TCF12: variants seen among roughly 807,000 people sequenced by gnomAD.
TCF12 encodes the protein transcription factor 12.
In TCF12, 45 loss-of-function variants were observed where a neutral mutation model predicts 86.0. The ratio of observed to expected loss-of-function variants is 0.52; its 90% confidence interval spans 0.41 to 0.67. TCF12 has a LOEUF of 0.67. Ranked by LOEUF, TCF12 falls within the 30% of genes least tolerant of loss-of-function variation. TCF12 has a pLI of 0.00. For synonymous variants in TCF12, 330 were observed against 299.6 expected (o/e 1.10, Z -1.05); for missense variants, 881 against 859.9 (o/e 1.02, Z -0.31).
At chr15:57,062,802 CATGAAAGA>C (rs1184641771) in intron 3 of TCF12, among the ~76,000 whole-genome samples, 13 of 152,210 alleles carry the variant, frequency 8.5e-5, no homozygotes, top group Non-Finnish European at 1.8e-4. Flanking sequence ...AGGCTGTTCT[CATGAAAGA>C]ATGAAAGAAA....
chr15:56,997,648 C>T (rs570714936), intron 3 of TCF12, among the ~76,000 whole-genome samples: 7 of 152,138 alleles, frequency 4.6e-5, no homozygotes, highest in Non-Finnish European at 7.4e-5. Context: ...ATTCAAATAA[C>T]CCAAAAGACA....
At chr15:56,940,947 G>A (rs2060741846) in intron 3 of TCF12, among the ~76,000 whole-genome samples, 1 of 146,264 alleles carries the variant, frequency 6.8e-6, no homozygotes, top group Non-Finnish European at 1.5e-5. Context: ...TTTGGGTAGA[G>A]ACAGTATCTC....
chr15:57,010,159 C>CT (rs1364540704), intron 3 of TCF12, among the ~76,000 whole-genome samples: 29 of 151,914 alleles, frequency 1.9e-4, no homozygotes, highest in Middle Eastern at 3.4e-3. Context: ...AGTCCCCTCC[C>CT]TTTTTTTTAA....
intron 16 of TCF12, among the ~76,000 whole-genome samples, chr15:57,257,784 G>C (rs2060417124): frequency 6.6e-6 from 1 of 151,900 alleles, no homozygotes; most frequent in African/African-American, 2.4e-5. Flanking sequence ...GGTCTACACG[G>C]ACACAGTAAC....
At chr15:56,926,042 T>C (rs1289784739) in intron 3 of TCF12, among the ~76,000 whole-genome samples, 1 of 152,222 alleles carries the variant, frequency 6.6e-6, no homozygotes, top group East Asian at 1.9e-4. Flanking sequence ...GTTGGCGTGG[T>C]GGCTCACGCC....
intron 8 of TCF12, among the ~76,000 whole-genome samples, chr15:57,225,220 C>CTTTTTTTTTTTTTTTTTTTTTTTTT (rs139530756): frequency 2.5e-5 from 1 of 39,762 alleles, no homozygotes; most frequent in Non-Finnish European, 4.3e-5. Flanking sequence ...CTGATATATG[C>CTTTTTTTTTTTTTTTTTTTTTTTTT]TTTTTTTTTT....
In TCF12 at chr15:56,928,403, T is replaced by C. The variant is rs554125629; in HGVS notation, c.148+7305T>C. 2.0e-5 allele frequency among the ~76,000 whole-genome samples: 3 copies of C among 152,328 alleles called. No individual in the cohort carries two copies. In the East Asian group the frequency reaches 5.8e-4, roughly 29 times the overall value. On this transcript the variant is annotated intron_variant, in intron 3 of 20. Transcript: ENST00000333725. ...GCTAGTGTTTATTGAACTCCTATTATATACTAGGCATTGTGATAAGCAATT... is the reference window on the plus strand; with the variant it reads ...GCTAGTGTTTATTGAACTCCTATTACATACTAGGCATTGTGATAAGCAATT...
At chr15:57,105,801 A>G (rs1457991041) in intron 5 of TCF12, among the ~76,000 whole-genome samples, 1 of 152,210 alleles carries the variant, frequency 6.6e-6, no homozygotes, top group African/African-American at 2.4e-5. Context: ...CACTTGCAAA[A>G]TGGGGACATC....
intron 3 of TCF12, among the ~76,000 whole-genome samples, chr15:56,941,618 G>T (rs143050690): frequency 9.3e-5 from 14 of 151,154 alleles, no homozygotes; most frequent in South Asian, 2.1e-4. Flanking sequence ...CAGGTGATCC[G>T]CCTTCCTCGG....
chr15:57,039,712 C>G (rs1000343756), intron 3 of TCF12, among the ~76,000 whole-genome samples: 1 of 152,054 alleles, frequency 6.6e-6, no homozygotes, highest in African/African-American at 2.4e-5. Flanking sequence ...TTATTAAGTC[C>G]GTAGACCTTC....
intron 3 of TCF12, among the ~76,000 whole-genome samples, chr15:56,967,968 T>G (rs1193228423): frequency 6.6e-6 from 1 of 152,158 alleles, no homozygotes; most frequent in African/African-American, 2.4e-5. Context: ...GTTTGTTTGT[T>G]TTTTTGAGGC....
At position 57,001,036 on chromosome 15, in the gene TCF12, C is replaced by T. The variant is rs541282046; in HGVS notation, c.149-62714C>T. ...AATTTTTTTTTTTTTTTTTTTGAGA[C>T]GGAGTCTTGCTCTGTCATCACCCAG... On this transcript the variant is annotated intron_variant, in intron 3 of 20. Coordinates refer to ENST00000333725, the MANE Select transcript of TCF12 (RefSeq NM_207037.2). 4.1e-3 allele frequency among the ~76,000 whole-genome samples: 487 copies of T among 117,634 alleles called. 4 individuals are homozygous for T. The highest frequency in any genetic ancestry group is 0.015 in the African/African-American group (460 of 31,478). The allele number at this position is 117,634 out of a possible 152,430, so 77.2% of individuals were successfully genotyped here.
intron 19 of TCF12, among the ~76,000 whole-genome samples, chr15:57,281,102 T>C (rs2061663613): frequency 1.0e-5 from 1 of 96,016 alleles, no homozygotes; most frequent in South Asian, 4.3e-4. Context: ...TAGCACCCTA[T>C]TCTTTTTTTT....
chr15:57,258,911 A>C (rs796275870), intron 16 of TCF12, among the ~76,000 whole-genome samples: 5 of 152,276 alleles, frequency 3.3e-5, no homozygotes, highest in African/African-American at 1.2e-4. Flanking sequence ...TCATTTATCA[A>C]AATAAATTTG....
chr15:57,008,377 T>TTTTTTTC (rs1555474849), intron 3 of TCF12, among the ~76,000 whole-genome samples: 18 of 147,692 alleles, frequency 1.2e-4, no homozygotes, highest in Admixed American at 6.1e-4. Context: ...AAAATACCCT[T>TTTTTTTC]TTTTTTTCTT....
chr15:57,012,009 T>G (rs2064863646), intron 3 of TCF12, among the ~76,000 whole-genome samples: 1 of 152,194 alleles, frequency 6.6e-6, no homozygotes, highest in Non-Finnish European at 1.5e-5. Context: ...ACTGATAGGA[T>G]CTCTGAATCA....
chr15:57,229,552 A>C (rs543996497), intron 8 of TCF12, among the ~76,000 whole-genome samples: 1 of 152,014 alleles, frequency 6.6e-6, no homozygotes, highest in East Asian at 1.9e-4. Flanking sequence ...ACTAGCACGA[A>C]GAGTAAAAAT....
intron 3 of TCF12, among the ~76,000 whole-genome samples, chr15:56,937,406 G>A (rs1334822070): frequency 1.3e-5 from 2 of 151,772 alleles, no homozygotes; most frequent in South Asian, 4.2e-4. Context: ...TCCTCGGTTG[G>A]AGTGTAGTGG....
chr15:57,233,964 C>G, intron 11 of TCF12, 79 bp from the exon 12 acceptor site: 1 of 1,123,826 alleles, frequency 8.9e-7, no homozygotes, highest in Non-Finnish European at 1.4e-6. Context: ...ATAGAGAACA[C>G]CCTTGGAATA....
Sources: allele counts gnomAD v4.1 joint callset (sites outside exome capture counted in the v4.1 genomes callset), GRCh38; gene constraint gnomAD v4.1.1; transcripts MANE v1.5; gene names NCBI Gene and HGNC (gene_info 2026-07-23, HGNC 2026-07-21).